Variants in SLC44A3 observed in about 807,000 individuals in gnomAD.
SLC44A3 encodes the protein solute carrier family 44 member 3.
In SLC44A3, 74 loss-of-function variants were observed where a neutral mutation model predicts 75.4. That is an observed-to-expected ratio of 0.98 (90% CI 0.81 to 1.19). The LOEUF is 1.19. Among genes scored for constraint, SLC44A3 ranks in the 50% most tolerant of loss-of-function variants. The pLI is 0.00. For missense variants in SLC44A3, 700 were observed against 778.6 expected, an observed-to-expected ratio of 0.90 and a Z score of 1.20; for synonymous variants, 310 against 296.9, an observed-to-expected ratio of 1.04 and a Z score of -0.45.
chr1:94,843,041 A>G (rs1663870227), intron 8 of SLC44A3: 1 of 152,348 alleles, frequency 6.6e-6, no homozygotes, highest in African/African-American at 2.4e-5. Flanking sequence ...CAGACACTCA[A>G]CAGAGTCTGC....
At chr1:94,849,717 G>C (rs771375252) in intron 9 of SLC44A3, among the ~76,000 whole-genome samples, 2 of 152,170 alleles carry the variant, frequency 1.3e-5, no homozygotes, top group Admixed American at 1.3e-4. Context: ...GTGTGTGGGC[G>C]TCCTCAGTAC....
chr1:94,892,906 T>A (rs574429512), intron 14 of SLC44A3, among the ~76,000 whole-genome samples: 49 of 152,304 alleles, frequency 3.2e-4, no homozygotes, highest in African/African-American at 1.2e-3. Flanking sequence ...CATTTTTGCA[T>A]CTCCAAGCAT....
chr1:94,845,345 T>C lies in SLC44A3; in HGVS notation c.953T>C (p.Ile318Thr), dbSNP rs753000195. Residue 318 changes from isoleucine to threonine, a missense_variant, in exon 9 of 15, where the codon ATC becomes ACC. Coordinates refer to ENST00000271227, the MANE Select transcript of SLC44A3 (RefSeq NM_001114106.3). ...RIKLTVELFQ[I>T]TNKAISSAPF... ...AAATTGACAGTTGAGCTTTTCCAAA[T>C]CACAAATAAAGCCATCAGCAGTGCT... 7 of 1,613,900 alleles carry C rather than the reference T, an allele frequency of 4.3e-6. No homozygotes were observed. In the African/African-American group the frequency reaches 9.3e-5, roughly 22 times the overall value.
intron 2 of SLC44A3, 110 bp from the exon 3 acceptor site, chr1:94,824,383 G>T: frequency 1.5e-6 from 2 of 1,326,752 alleles, no homozygotes; most frequent in Non-Finnish European, 2.0e-6. Context: ...TATGATGCTG[G>T]AGAGCTTCAC....
chr1:94,829,742 C>T (rs770516010), intron 5 of SLC44A3, among the ~76,000 whole-genome samples: 33 of 152,306 alleles, frequency 2.2e-4, no homozygotes, highest in Middle Eastern at 3.4e-3. Flanking sequence ...GGAGACCTCT[C>T]TGAAAAATCC....
chr1:94,888,542 C>A, intron 12 of SLC44A3: 1 of 406,284 alleles, frequency 2.5e-6, no homozygotes, highest in Non-Finnish European at 3.3e-6. Context: ...GGCCCCCAAA[C>A]TGGAGCAGCT....
At chr1:94,829,358 C>T (rs1449878720) in intron 5 of SLC44A3, among the ~76,000 whole-genome samples, 1 of 152,060 alleles carries the variant, frequency 6.6e-6, no homozygotes, top group Non-Finnish European at 1.5e-5. Flanking sequence ...CTCTAGATAT[C>T]TTCATAAGAA....
intron 12 of SLC44A3, 94 bp from the exon 13 acceptor site, chr1:94,891,036 T>G: frequency 2.7e-6 from 3 of 1,093,604 alleles, no homozygotes; most frequent in Non-Finnish European, 3.9e-6. Context: ...GTAGGTTTAT[T>G]GTAACTCTAG....
intron 1 of SLC44A3, 26 bp downstream of exon 1, chr1:94,820,504 G>C (rs189037448): frequency 2.8e-4 from 418 of 1,487,814 alleles, no homozygotes; most frequent in Non-Finnish European, 3.6e-4. Flanking sequence ...CTCGGCCCTC[G>C]GGGGAGGAGC....
In SLC44A3 at chr1:94,828,475, T is replaced by A; in HGVS notation, c.416-18T>A. 3 of 1,606,344 alleles carry A rather than the reference T, an allele frequency of 1.9e-6. No homozygotes were observed. Among genetic ancestry groups the A allele is most frequent in the Non-Finnish European group, 8.5e-7 (1 of 1,173,968 alleles). ...TCACCTGGAAAGAAGGTATAATGTC[T>A]GTGTGTTCTGCTTCCAGGGTCCTTC... is the stretch of plus-strand genomic sequence containing the variant. On this transcript the variant is annotated intron_variant, in intron 4 of 14. Coordinates refer to ENST00000271227, the MANE Select transcript of SLC44A3 (RefSeq NM_001114106.3).
chr1:94,824,749 T>C (rs6541372), intron 3 of SLC44A3, 114 bp downstream of exon 3: 1,304,259 of 1,314,918 alleles, frequency 0.99, 647,411 homozygotes, highest in Non-Finnish European at 1. Context: ...CAGCCTATTT[T>C]ATAAAAAGGA....
chr1:94,868,873 A>G (rs1667457023), intron 12 of SLC44A3, among the ~76,000 whole-genome samples: 1 of 152,180 alleles, frequency 6.6e-6, no homozygotes, highest in African/African-American at 2.4e-5. Flanking sequence ...TCTTTCACTC[A>G]TGGTTTTCAT....
chr1:94,823,799 G>C (rs543846421), intron 2 of SLC44A3, among the ~76,000 whole-genome samples: 1 of 152,160 alleles, frequency 6.6e-6, no homozygotes, highest in South Asian at 2.1e-4. Flanking sequence ...TTTGCATTAT[G>C]GGAAGATACA....
chr1:94,867,400 C>T lies in SLC44A3; in HGVS notation c.1465C>T (p.Leu489=). The T allele has an allele frequency of 6.2e-7, 1 of 1,606,146 alleles. No homozygotes were observed. Among genetic ancestry groups the T allele is most frequent in the Non-Finnish European group, 8.5e-7 (1 of 1,175,330 alleles). Residue 489 remains leucine, a synonymous_variant, in exon 12 of 15, where the codon CTG becomes TTG. Transcript: ENST00000271227. ...YCCFWCLDKY[L]LHLNQNAYTT... Reference sequence around the variant, plus strand: ...CTGTTTCTGGTGTCTTGACAAATACCTGCTCCATCTCAACCAGGTACGTCT... The same window carrying T: ...CTGTTTCTGGTGTCTTGACAAATACTTGCTCCATCTCAACCAGGTACGTCT...
At chr1:94,826,029 G>T (rs931018971) in intron 3 of SLC44A3, 6 of 435,328 alleles carry the variant, frequency 1.4e-5, no homozygotes, top group African/African-American at 4.0e-5. Context: ...ATCAAAATGT[G>T]ATATGTATAT....
rs1664238041 is a variant in SLC44A3 at position 94,845,136 on chromosome 1, C to T, written c.886-142C>T. ...GCTCAGTTAGTGTTTGCGAATGCAT[C>T]TGTAAAATTATAACAAAGTAGTGAG... On this transcript the variant is annotated intron_variant, in intron 8 of 14. Coordinates refer to ENST00000271227, the MANE Select transcript of SLC44A3 (RefSeq NM_001114106.3). 3 of 852,130 alleles carry T rather than the reference C, an allele frequency of 3.5e-6. No homozygotes were observed. In the East Asian group the frequency reaches 7.9e-5, roughly 22 times the overall value. The allele number at this position is 852,130 out of a possible 1,614,324, so 52.8% of individuals were successfully genotyped here.
chr1:94,827,894 T>C (rs1661583861), intron 4 of SLC44A3, among the ~76,000 whole-genome samples: 1 of 152,166 alleles, frequency 6.6e-6, no homozygotes, highest in African/African-American at 2.4e-5. Context: ...CAGGGAATGG[T>C]CATCCACAGA....
intron 5 of SLC44A3, among the ~76,000 whole-genome samples, chr1:94,830,554 TATG>T (rs1448790696): frequency 6.6e-6 from 1 of 152,220 alleles, no homozygotes; most frequent in Non-Finnish European, 1.5e-5. Context: ...TAAATGTGTT[TATG>T]ATATTTTACA....
intron 2 of SLC44A3, among the ~76,000 whole-genome samples, chr1:94,822,196 G>T (rs551262872): frequency 1.3e-5 from 2 of 152,262 alleles, no homozygotes; most frequent in East Asian, 3.9e-4. Context: ...TTCAACCTAG[G>T]ACCTCACTAC....
Sources: gnomAD v4.1 joint callset for allele counts (sites outside exome capture counted in the v4.1 genomes callset) on GRCh38, gnomAD v4.1.1 for gene constraint, MANE v1.5 for transcripts, NCBI Gene and HGNC (gene_info 2026-07-23, HGNC 2026-07-21) for gene names.